ANKRD26: variants seen among roughly 807,000 people sequenced by gnomAD.
The protein encoded by ANKRD26 is ankyrin repeat domain 26.
In ANKRD26, 141 loss-of-function variants were observed where a neutral mutation model predicts 208.7. The ratio of observed to expected loss-of-function variants is 0.68; its 90% confidence interval spans 0.59 to 0.78. ANKRD26 has a LOEUF of 0.78. Among genes scored for constraint, ANKRD26 ranks in the 30% least tolerant of loss-of-function variants. ANKRD26 has a pLI of 0.00. For synonymous variants in ANKRD26, 636 were observed against 660.4 expected, an observed-to-expected ratio of 0.96 and a Z score of 0.57; for missense variants, 1,889 against 1,938.7, an observed-to-expected ratio of 0.97 and a Z score of 0.48.
downstream of ANKRD26, among the ~76,000 whole-genome samples, chr10:26,990,670 T>A (rs2052470239): frequency 6.6e-6 from 1 of 152,166 alleles, no homozygotes; most frequent in Non-Finnish European, 1.5e-5. Flanking sequence ...CATGAGAATG[T>A]CCAGAAAGAC....
At chr10:27,061,423 AT>A (rs991527581) in intron 12 of ANKRD26, among the ~76,000 whole-genome samples, 181 bp from the exon 13 acceptor site, 2 of 152,118 alleles carry the variant, frequency 1.3e-5, no homozygotes, top group Non-Finnish European at 2.9e-5. Flanking sequence ...ATTAACTGTA[AT>A]TTTTTCATTT....
In ANKRD26 at chr10:26,994,067, C is replaced by T. The variant is rs184878864; in HGVS notation, c.*29+974G>A. ...ATCTCTAGGACAATCATTGTAATGG[C>T]TATCATACACTAAATATAGGCATTC... On this transcript the variant is annotated intron_variant, in intron 5 of 5. Coordinates refer to the ANKRD26 transcript ENST00000445828. Among the ~76,000 whole-genome samples, 37 of 152,326 alleles carry T rather than the reference C, an allele frequency of 2.4e-4. 1 individual carries two copies. The highest frequency in any genetic ancestry group is 1.7e-3 in the South Asian group (8 of 4,828).
chr10:27,092,328 G>A, intron 4 of ANKRD26, 78 bp downstream of exon 4: 2 of 1,107,686 alleles, frequency 1.8e-6, no homozygotes, highest in Non-Finnish European at 2.7e-6. Context: ...TAAAAAACCT[G>A]TAACATGCAA....
At chr10:27,052,273 G>T in intron 16 of ANKRD26, 1 of 703,890 alleles carries the variant, frequency 1.4e-6, no homozygotes, top group Non-Finnish European at 1.7e-6. Context: ...ATTTGCCTTA[G>T]CCTAAAATAG....
At chr10:27,099,645 T>A (rs919745746) in intron 1 of ANKRD26, among the ~76,000 whole-genome samples, 1 of 151,660 alleles carries the variant, frequency 6.6e-6, no homozygotes, top group Non-Finnish European at 1.5e-5. Flanking sequence ...CCTCCCGAAG[T>A]GCTGTGATTA....
chr10:27,099,426 G>A (rs994862288), intron 1 of ANKRD26, among the ~76,000 whole-genome samples: 2 of 152,120 alleles, frequency 1.3e-5, no homozygotes, highest in Non-Finnish European at 2.9e-5. Flanking sequence ...ATTTCCTAAA[G>A]GCATTTTATT....
intron 32 of ANKRD26, among the ~76,000 whole-genome samples, chr10:27,008,888 T>C (rs1564350177): frequency 6.6e-6 from 1 of 152,116 alleles, no homozygotes; most frequent in African/African-American, 2.4e-5. Context: ...TGCCCAGGCT[T>C]GAGTGTAGTG....
intron 4 of ANKRD26, among the ~76,000 whole-genome samples, chr10:27,087,089 T>G (rs2056149474): frequency 6.6e-6 from 1 of 152,054 alleles, no homozygotes; most frequent in Non-Finnish European, 1.5e-5. Context: ...CTTATTAAGC[T>G]TCAAATTAAA....
chr10:27,077,815 C>T, intron 7 of ANKRD26, 122 bp from the exon 8 acceptor site: 2 of 882,932 alleles, frequency 2.3e-6, no homozygotes, highest in South Asian at 3.0e-5. Flanking sequence ...ATTTTGGAGT[C>T]ACTCAGATGT....
the ANKRD26 span, among the ~76,000 whole-genome samples, chr10:26,961,541 C>T: frequency 0.099 from 15,118 of 152,026 alleles, 1,389 homozygotes; most frequent in East Asian, 0.48. Context: ...TTACCTTCTT[C>T]GTGTATAAAC....
chr10:27,035,544 T>C lies in ANKRD26; in HGVS notation c.2906A>G (p.Gln969Arg). 1 of 1,613,982 alleles carries C rather than the reference T, an allele frequency of 6.2e-7. No individual in the cohort carries two copies. Among genetic ancestry groups the C allele is most frequent in the Non-Finnish European group, 8.5e-7 (1 of 1,179,906 alleles). ...TIKQNEETLTQTISQYNGRLS... is the reference protein window; with the variant it reads ...TIKQNEETLTRTISQYNGRLS... ...CCGTCCATTATACTGGGATATTGTT[T>C]GTGTTAATGTTTCCTCATTCTGTTT... Residue 969 changes from glutamine (Q) to arginine (R), a missense_variant, in exon 24 of 34, where the codon CAA (glutamine) becomes CGA (arginine). Transcript: ENST00000376087.
At chr10:27,020,988 ATT>A (rs2053469029) in intron 29 of ANKRD26, among the ~76,000 whole-genome samples, 1 of 151,862 alleles carries the variant, frequency 6.6e-6, no homozygotes, top group Non-Finnish European at 1.5e-5. Context: ...AAAAAAAAAA[ATT>A]CCATTTTTAT....
chr10:27,081,884 G>T (rs561063958), intron 6 of ANKRD26, among the ~76,000 whole-genome samples: 1 of 151,782 alleles, frequency 6.6e-6, no homozygotes, highest in Non-Finnish European at 1.5e-5. Flanking sequence ...CTATAGGCGT[G>T]CGCCACCACG....
In ANKRD26 at chr10:27,004,800, C is replaced by T. The variant is rs890233921; in HGVS notation, c.*790G>A. ...ATCTAACAGATACAACAACTAAATACAAGCCATGGATTAGAATGGGATCCT... is the reference window on the plus strand; with the variant it reads ...ATCTAACAGATACAACAACTAAATATAAGCCATGGATTAGAATGGGATCCT... On this transcript the variant is annotated 3_prime_UTR_variant, in exon 34 of 34. Transcript: ENST00000376087. The T allele has an allele frequency of 1.3e-5, 2 of 153,744 alleles. No individual in the cohort carries two copies. The highest frequency in any genetic ancestry group is 4.8e-5 in the African/African-American group (2 of 41,474). The allele number at this position is 153,744 out of a possible 1,614,324, so 9.5% of individuals were successfully genotyped here.
chr10:27,066,389 T>TA lies in ANKRD26; in HGVS notation c.1269+97dup, dbSNP rs2055247467. The TA allele has an allele frequency of 7.5e-6, 6 of 803,352 alleles. No individual in the cohort carries two copies. The East Asian group carries it at 1.5e-4, about 20-fold the overall frequency. The allele number at this position is 803,352 out of a possible 1,614,324, so 49.8% of individuals were successfully genotyped here. On this transcript the variant is annotated intron_variant, in intron 11 of 33. Transcript: ENST00000376087. Reference sequence around the variant, plus strand: ...ATAAGAAAGTAGTTCCTTATGGATGTATGCAGAGGTAAAAAAGTCAAGTCA... The same window carrying TA: ...ATAAGAAAGTAGTTCCTTATGGATGTAATGCAGAGGTAAAAAAGTCAAGTCA...
chr10:27,017,771 G>A lies in ANKRD26; in HGVS notation c.4237C>T (p.Leu1413=). The change falls in exon 30 of 34, where the codon CTG becomes TTG. Residue 1413 remains leucine (L), a synonymous_variant. Coordinates refer to ENST00000376087, the MANE Select transcript of ANKRD26 (RefSeq NM_014915.3). ...AGACATTTTGAACCTGCAGTCTCCA[G>A]TTCTGCTGTAAGATCATCAATCTGA... ...KHKIDDLTAE[L]ETAGSKCLHL... 1 of 1,612,682 alleles carries A rather than the reference G, an allele frequency of 6.2e-7. No individual in the cohort carries two copies. The highest frequency in any genetic ancestry group is 8.5e-7 in the Non-Finnish European group (1 of 1,179,756).
At chr10:27,061,802 C>A (rs1418297022) in intron 12 of ANKRD26, 2 of 356,460 alleles carry the variant, frequency 5.6e-6, no homozygotes, top group African/African-American at 4.4e-5. Context: ...TGGGCTCCAG[C>A]AACCCACCCA....
downstream of ANKRD26, among the ~76,000 whole-genome samples, chr10:26,988,381 G>T (rs10829153): frequency 1.3e-5 from 2 of 151,908 alleles, no homozygotes; most frequent in South Asian, 4.1e-4. Context: ...TATAGTTTGA[G>T]TAAATATGAA....
chr10:26,986,670 C>G (rs2052393546), intron 3 of ANKRD26, among the ~76,000 whole-genome samples: 1 of 152,136 alleles, frequency 6.6e-6, no homozygotes, highest in South Asian at 2.1e-4. Flanking sequence ...CCAAAAGACA[C>G]ATGAAAAAAT....
Sources: allele counts gnomAD v4.1 joint callset (sites outside exome capture counted in the v4.1 genomes callset), GRCh38; gene constraint gnomAD v4.1.1; transcripts MANE v1.5; gene names NCBI Gene and HGNC (gene_info 2026-07-23, HGNC 2026-07-21).